Variants in GNA13 observed in about 807,000 individuals in gnomAD.
GNA13 encodes G protein subunit alpha 13.
In GNA13, 4 loss-of-function variants were observed where a neutral mutation model predicts 33.5. The ratio of observed to expected loss-of-function variants is 0.12; its 90% CI spans 0.06 to 0.27. The LOEUF is 0.27. Among genes scored for constraint, GNA13 ranks in the 10% least tolerant of loss-of-function variants. The probability of loss-of-function intolerance (pLI) is 1.00; values close to 1 mark genes in which losing one functional copy is unlikely to be tolerated. For missense variants in GNA13, 319 were observed against 487.2 expected, an observed-to-expected ratio of 0.65 and a Z score of 3.25; for synonymous variants, 176 against 183.8, an observed-to-expected ratio of 0.96 and a Z score of 0.34.
At position 65,010,816 on chromosome 17, in the gene GNA13, T is replaced by C; in HGVS notation, c.*3441A>G. ...AGAAATTAACACTGATATTTAGCCT[T>C]CTCATGACATACACAGAAATAACAT... On this transcript the variant is annotated 3_prime_UTR_variant, in exon 4 of 4. Transcript: ENST00000439174. 4.7e-6 allele frequency: 1 copy of C among 211,066 alleles called. No individual in the cohort carries two copies. Among genetic ancestry groups the C allele is most frequent in the Non-Finnish European group, 9.6e-6 (1 of 103,844 alleles). 13.1% of individuals were successfully genotyped at this position (211,066 alleles called of 1,614,324 possible). A position where few individuals can be genotyped will look rare whatever the true frequency, so the allele number is the denominator to read the frequency against.
chr17:65,037,777 G>GAAAAAA (rs145051963), intron 2 of GNA13, among the ~76,000 whole-genome samples: 7,917 of 82,014 alleles, frequency 0.097, 2,606 homozygotes, highest in Admixed American at 0.18. Flanking sequence ...CTACAAAAAT[G>GAAAAAA]GAAAAAAAAA....
At chr17:65,033,872 G>T (rs1350666506) in intron 2 of GNA13, among the ~76,000 whole-genome samples, 3 of 151,872 alleles carry the variant, frequency 2.0e-5, no homozygotes, top group Non-Finnish European at 4.4e-5. Context: ...AATTAGCTGG[G>T]TGTGGTAGTG....
At chr17:65,050,695 C>A (rs1423694069) in intron 2 of GNA13, among the ~76,000 whole-genome samples, 1 of 152,042 alleles carries the variant, frequency 6.6e-6, no homozygotes, top group Non-Finnish European at 1.5e-5. Flanking sequence ...CACAACAGGG[C>A]ACTCCAGCCT....
chr17:65,029,171 C>T (rs1248966695), intron 2 of GNA13, among the ~76,000 whole-genome samples: 5 of 152,214 alleles, frequency 3.3e-5, no homozygotes, highest in African/African-American at 1.2e-4. Flanking sequence ...GCTGAATTAG[C>T]TATGCAGTTA....
At chr17:65,047,175 A>G (rs1907695641) in intron 2 of GNA13, among the ~76,000 whole-genome samples, 1 of 152,224 alleles carries the variant, frequency 6.6e-6, no homozygotes, top group South Asian at 2.1e-4. Flanking sequence ...AAATGTAACC[A>G]CTCTGACATC....
intron 2 of GNA13, among the ~76,000 whole-genome samples, chr17:65,039,771 T>C (rs1598493831): frequency 6.6e-6 from 1 of 152,338 alleles, no homozygotes; most frequent in East Asian, 1.9e-4. Flanking sequence ...GCATCTAACG[T>C]CAACGCAGAG....
At chr17:65,017,493 A>C (rs1906409985) in intron 3 of GNA13, among the ~76,000 whole-genome samples, 1 of 152,162 alleles carries the variant, frequency 6.6e-6, no homozygotes, top group African/African-American at 2.4e-5. Flanking sequence ...GGCTTTCAAA[A>C]TTTTCCTAAG....
At chr17:65,048,050 A>C (rs139655405) in intron 2 of GNA13, among the ~76,000 whole-genome samples, 19 of 152,298 alleles carry the variant, frequency 1.2e-4, no homozygotes, top group Middle Eastern at 3.4e-3. Flanking sequence ...ATTAGCAAAA[A>C]CACTTTGGTT....
rs1010886933 is a variant in GNA13 at position 65,012,682 on chromosome 17, G to A, written c.*1575C>T. On this transcript the variant is annotated 3_prime_UTR_variant, in exon 4 of 4. Transcript: ENST00000439174. The stretch of plus-strand genomic sequence containing the variant: ...TATCAGACAGCAAGACAGAACAACA[G>A]CCACTGACTTGGAAAGGCTGGGTGA... The A allele has an allele frequency of 1.3e-5, 3 of 229,726 alleles. No individual in the cohort carries two copies. Among genetic ancestry groups the A allele is most frequent in the Non-Finnish European group, 2.6e-5 (3 of 116,000 alleles). 14.2% of individuals were successfully genotyped at this position (229,726 alleles called of 1,614,324 possible). A position where few individuals can be genotyped will look rare whatever the true frequency, so the allele number is the denominator to read the frequency against.
chr17:65,031,547 T>G (rs1907011337), intron 2 of GNA13, among the ~76,000 whole-genome samples: 1 of 152,232 alleles, frequency 6.6e-6, no homozygotes, highest in Non-Finnish European at 1.5e-5. Context: ...AATCTAAGTT[T>G]ATTCATACTT....
intron 3 of GNA13, among the ~76,000 whole-genome samples, chr17:65,017,627 G>A (rs1906416264): frequency 6.6e-6 from 1 of 152,186 alleles, no homozygotes; most frequent in African/African-American, 2.4e-5. Flanking sequence ...TGCTGGCTCC[G>A]AGGAATACCT....
At chr17:65,035,453 T>G (rs915647524) in intron 2 of GNA13, among the ~76,000 whole-genome samples, 2 of 152,142 alleles carry the variant, frequency 1.3e-5, no homozygotes, top group Non-Finnish European at 2.9e-5. Context: ...TGGAAGGAAA[T>G]ACACCAAAAT....
At chr17:65,030,999 T>C (rs555462314) in intron 2 of GNA13, among the ~76,000 whole-genome samples, 1 of 152,360 alleles carries the variant, frequency 6.6e-6, no homozygotes, top group Admixed American at 6.5e-5. Flanking sequence ...GTAGAGTTTC[T>C]TCTGAAACCT....
rs572794489 is a variant in GNA13 at position 65,015,535 on chromosome 17, C to T, written c.562-706G>A. ...AAAATTAGCCAGGTGTGGTGGCGGG[C>T]GCCTGTAGTCCCAGCTACTTGGGAG... is the stretch of plus-strand genomic sequence containing the variant. On this transcript the variant is annotated intron_variant, in intron 3 of 3. Transcript: ENST00000439174. Among the ~76,000 whole-genome samples, 28 of 151,626 alleles carry T rather than the reference C, an allele frequency of 1.8e-4. No individual in the cohort carries two copies. In the South Asian group the frequency reaches 2.1e-3, roughly 11 times the overall value.
intron 2 of GNA13, among the ~76,000 whole-genome samples, chr17:65,042,512 A>T (rs6504270): frequency 6.6e-6 from 1 of 152,084 alleles, no homozygotes; most frequent in Non-Finnish European, 1.5e-5. Flanking sequence ...TGAGGTGGGC[A>T]GATCAATTGA....
Position 65,009,724 on chromosome 17 carries a change from G to A in GNA13, c.*4533C>T, listed in dbSNP as rs1307013291. Reference sequence around the variant, plus strand: ...GTAGTTTAGAAAAGCCATTTCAAACGTTTTGCGATTCTGCCTTCAAGTAAG... The same window carrying A: ...GTAGTTTAGAAAAGCCATTTCAAACATTTTGCGATTCTGCCTTCAAGTAAG... On this transcript the variant is annotated 3_prime_UTR_variant, in exon 4 of 4. Coordinates refer to ENST00000439174, the MANE Select transcript of GNA13 (RefSeq NM_006572.6). 2.0e-5 allele frequency among the ~76,000 whole-genome samples: 3 copies of A among 152,168 alleles called. No homozygotes were observed. Among genetic ancestry groups the A allele is most frequent in the African/African-American group, 4.8e-5 (2 of 41,432 alleles).
chr17:65,051,040 T>C (rs1907841128), intron 2 of GNA13, among the ~76,000 whole-genome samples: 1 of 152,198 alleles, frequency 6.6e-6, no homozygotes, highest in Non-Finnish European at 1.5e-5. Context: ...ACAGTCCTGA[T>C]GTGAGACAGT....
rs1447546663 is a variant in GNA13, at chr17:65,053,680, C to T, written c.332G>A (p.Gly111Glu). 1 of 1,613,948 alleles carries T rather than the reference C, an allele frequency of 6.2e-7. No individual in the cohort carries two copies. The highest frequency in any genetic ancestry group is 2.2e-5 in the East Asian group (1 of 44,886). The stretch of plus-strand genomic sequence containing the variant: ...TCCATGTTGTTGGTTTGAGTTGTCT[C>T]CCCAGGGAATATGAAGCTTCTCTCG... ...DAREKLHIPW[G>E]DNSNQQHGDK... is the part of the protein sequence containing the mutation. Residue 111 changes from glycine (G) to glutamate (E), a missense_variant, in exon 2 of 4, where the codon GGA becomes GAA. Transcript: ENST00000439174.
intron 2 of GNA13, among the ~76,000 whole-genome samples, chr17:65,034,836 A>G (rs1357011228): frequency 1.3e-5 from 2 of 152,138 alleles, no homozygotes; most frequent in Admixed American, 1.3e-4. Context: ...CCCAGGCTGG[A>G]GTGCAATGGC....
Sources: allele counts gnomAD v4.1 joint callset (sites outside exome capture counted in the v4.1 genomes callset), GRCh38; gene constraint gnomAD v4.1.1; transcripts MANE v1.5; gene names NCBI Gene and HGNC (gene_info 2026-07-23, HGNC 2026-07-21).